Variants in N4BP1 observed in about 807,000 individuals in gnomAD.
The protein encoded by N4BP1 is NEDD4-binding protein 1.
N4BP1 carries 21 observed loss-of-function variants against 70.9 expected under a neutral mutation model. That is an observed-to-expected ratio of 0.30 (90% CI 0.21 to 0.43). The LOEUF is 0.43. N4BP1 is among the 20% of genes least tolerant of loss of function. The pLI is 1.00. For synonymous variants in N4BP1, 387 were observed against 394.6 expected (o/e 0.98, Z 0.23); for missense variants, 936 against 1,069.4 (o/e 0.88, Z 1.74).
At chr16:48,581,491 T>A (rs958917048) in intron 1 of N4BP1, among the ~76,000 whole-genome samples, 1 of 152,090 alleles carries the variant, frequency 6.6e-6, no homozygotes, top group South Asian at 2.1e-4. Flanking sequence ...TTTTACTATA[T>A]AGGAAACCCC....
At chr16:48,594,623 T>C (rs1482293450) in intron 1 of N4BP1, among the ~76,000 whole-genome samples, 1 of 152,182 alleles carries the variant, frequency 6.6e-6, no homozygotes, top group African/African-American at 2.4e-5. Context: ...CCCAAAGTGC[T>C]GGGATTATAG....
chr16:48,568,197 G>A (rs531352692), intron 1 of N4BP1, among the ~76,000 whole-genome samples: 20 of 152,238 alleles, frequency 1.3e-4, no homozygotes, highest in African/African-American at 4.3e-4. Flanking sequence ...CTCAGCAAAT[G>A]TAAGTAGTAA....
Position 48,554,336 on chromosome 16 carries a change from G to A in N4BP1, c.1890-667C>T, listed in dbSNP as rs190027545. The stretch of plus-strand genomic sequence containing the variant: ...CAGATAACTGTAAGTGAATGTGTGC[G>A]GCTATGTTCCACATTTACAAAAACA... On this transcript the variant is annotated intron_variant, in intron 2 of 6. Coordinates refer to ENST00000262384, the MANE Select transcript of N4BP1 (RefSeq NM_153029.4). Among the ~76,000 whole-genome samples the A allele has an allele frequency of 1.2e-3, 182 of 152,222 alleles. 1 individual carries two copies. Among genetic ancestry groups the A allele is most frequent in the Admixed American group, 2.9e-3 (45 of 15,298 alleles).
intron 1 of N4BP1, among the ~76,000 whole-genome samples, chr16:48,580,756 G>GA (rs575807951): frequency 6.6e-6 from 1 of 151,806 alleles, no homozygotes; most frequent in Non-Finnish European, 1.5e-5. Flanking sequence ...AAAATACTCA[G>GA]AAAAAAAATT....
rs1304645492 is a variant in N4BP1, at chr16:48,561,129, T to C, written c.1514A>G (p.Asn505Ser). Residue 505 changes from asparagine (N) to serine (S), a missense_variant, in exon 2 of 7, where the codon AAT (asparagine) becomes AGT (serine). By Grantham distance (46) the Asn-to-Ser change is conservative. Around this residue, in one of 4 missense-constraint regions of N4BP1, gnomAD observed 515 missense variants for 491.7 expected, o/e 1.05. Transcript: ENST00000262384. ...ACTTGAAGCTCCCCTTGAAACAAAA[T>C]TGACTTCTTTGGGACTTGGAGAGGC... ...SVASPSPKEVNFVSRGASSHQ... is the reference protein window; with the variant it reads ...SVASPSPKEVSFVSRGASSHQ... 1.2e-6 allele frequency: 2 copies of C among 1,614,002 alleles called. No homozygotes were observed. The highest frequency in any genetic ancestry group is 1.7e-5 in the Admixed American group (1 of 60,026).
intron 1 of N4BP1, among the ~76,000 whole-genome samples, chr16:48,602,920 C>T (rs1303284296): frequency 6.6e-6 from 1 of 152,038 alleles, no homozygotes; most frequent in Non-Finnish European, 1.5e-5. Flanking sequence ...GAGGGCAAGG[C>T]TGCAGTGAGC....
At chr16:48,563,827 T>C (rs532835561) in intron 1 of N4BP1, among the ~76,000 whole-genome samples, 8 of 152,260 alleles carry the variant, frequency 5.3e-5, no homozygotes, top group Admixed American at 1.3e-4. Context: ...GAAGTCTCAA[T>C]ACATATAATA....
At chr16:48,546,721 T>C (rs1963596427) in intron 5 of N4BP1, 1 of 152,436 alleles carries the variant, frequency 6.6e-6, no homozygotes, top group Non-Finnish European at 1.5e-5. Context: ...CTGAGGTCTT[T>C]AGACCACTAT....
At chr16:48,607,686 G>A (rs1486954584) in intron 1 of N4BP1, among the ~76,000 whole-genome samples, 1 of 152,226 alleles carries the variant, frequency 6.6e-6, no homozygotes, top group Non-Finnish European at 1.5e-5. Flanking sequence ...AGAAGAAAAA[G>A]CAGGACTTAA....
chr16:48,579,352 A>G (rs1964144425), intron 1 of N4BP1, among the ~76,000 whole-genome samples: 1 of 152,230 alleles, frequency 6.6e-6, no homozygotes, highest in Non-Finnish European at 1.5e-5. Context: ...GTTAAATAAA[A>G]TTATCAAATA....
intron 1 of N4BP1, among the ~76,000 whole-genome samples, chr16:48,596,653 G>A (rs1331020422): frequency 6.6e-6 from 1 of 152,226 alleles, no homozygotes; most frequent in East Asian, 1.9e-4. Context: ...CCTTTCAGCT[G>A]TCCTTGCTCA....
At chr16:48,543,369 C>T (rs1597088362) in intron 6 of N4BP1, 108 bp from the exon 7 acceptor site, 7 of 906,616 alleles carry the variant, frequency 7.7e-6, no homozygotes, top group Non-Finnish European at 1.1e-5. Context: ...GATGCCGCTC[C>T]CTGGCTTCCA....
At chr16:48,552,684 C>T (rs547108111) in intron 3 of N4BP1, among the ~76,000 whole-genome samples, 161 of 112,064 alleles carry the variant, frequency 1.4e-3, no homozygotes, top group African/African-American at 5.2e-3. Flanking sequence ...AGCGACAGAG[C>T]GAGACTCCGT....
At chr16:48,548,244 A>C (rs2151085428) in intron 4 of N4BP1, 130 bp from the exon 5 acceptor site, 1 of 634,452 alleles carries the variant, frequency 1.6e-6, no homozygotes, top group East Asian at 2.7e-5. Context: ...TAGGCCACAG[A>C]AAAGTTTAGC....
intron 2 of N4BP1, among the ~76,000 whole-genome samples, chr16:48,557,765 TAA>T (rs1303707676): frequency 1.3e-5 from 2 of 152,096 alleles, no homozygotes; most frequent in East Asian, 3.8e-4. Flanking sequence ...CTTTACCTCT[TAA>T]AAAAAGAAAA....
Position 48,561,557 on chromosome 16 carries a change from T to C in N4BP1, c.1086A>G (p.Glu362=). 6.2e-7 allele frequency: 1 copy of C among 1,613,914 alleles called. No homozygotes were observed. The highest frequency in any genetic ancestry group is 8.5e-7 in the Non-Finnish European group (1 of 1,179,866). The change falls in exon 2 of 7, where the codon GAA becomes GAG. Residue 362 remains glutamate, a synonymous_variant. Transcript: ENST00000262384. ...NFFKTMGYSQ[E]IVEKVIKVYG... is the part of the protein sequence containing the mutation. The stretch of plus-strand genomic sequence containing the variant: ...ACACCTTAATGACCTTTTCAACAAT[T>C]TCTTGGGAGTAGCCCATGGTTTTAA...
intron 1 of N4BP1, 102 bp from the exon 2 acceptor site, chr16:48,562,546 T>C: frequency 2.1e-6 from 2 of 934,892 alleles, no homozygotes; most frequent in South Asian, 4.1e-5. Flanking sequence ...TTTATAAAAA[T>C]CACAAGCATG....
At chr16:48,566,152 A>C (rs1425237778) in intron 1 of N4BP1, among the ~76,000 whole-genome samples, 2 of 151,844 alleles carry the variant, frequency 1.3e-5, no homozygotes, top group Non-Finnish European at 2.9e-5. Flanking sequence ...CTTTGGGCTT[A>C]TTCTGCTCTT....
At chr16:48,543,830 C>G (rs1963548871) in intron 6 of N4BP1, among the ~76,000 whole-genome samples, 1 of 152,168 alleles carries the variant, frequency 6.6e-6, no homozygotes, top group Admixed American at 6.5e-5. Context: ...ATGAGGCTAG[C>G]TGAAGTTTCC....
Sources: allele counts gnomAD v4.1 joint callset (sites outside exome capture counted in the v4.1 genomes callset), GRCh38; gene constraint gnomAD v4.1.1; regional missense constraint gnomAD v4.1.1; transcripts MANE v1.5; gene names NCBI Gene and HGNC (gene_info 2026-07-23, HGNC 2026-07-21).